Variants in ATP6V1H observed in about 807,000 individuals in gnomAD.
ATP6V1H encodes V-type proton ATPase subunit H.
ATP6V1H carries 39 observed loss-of-function variants against 71.7 expected under a neutral mutation model. That is an observed-to-expected ratio of 0.54 (90% CI 0.42 to 0.71). ATP6V1H has a LOEUF of 0.71. Among genes scored for constraint, ATP6V1H ranks in the 30% least tolerant of loss-of-function variants. The pLI, the probability that ATP6V1H is intolerant of heterozygous loss-of-function variation, is 0.00. For synonymous variants in ATP6V1H, 192 were observed against 199.3 expected (o/e 0.96, Z 0.31); for missense variants, 509 against 594.9 (o/e 0.86, Z 1.50).
At chr8:53,782,622 T>G (rs1021172905) in intron 9 of ATP6V1H, among the ~76,000 whole-genome samples, 2 of 152,144 alleles carry the variant, frequency 1.3e-5, no homozygotes, top group Non-Finnish European at 2.9e-5. Flanking sequence ...CTTGTGCCAG[T>G]TTTCAAAGGG....
At chr8:53,821,366 C>G (rs1188946138) in intron 4 of ATP6V1H, among the ~76,000 whole-genome samples, 1 of 140,774 alleles carries the variant, frequency 7.1e-6, no homozygotes, top group Non-Finnish European at 1.5e-5. Flanking sequence ...GAGCAAGACT[C>G]CATCTCAAAA....
At chr8:53,718,803 C>G (rs1806519006) in intron 13 of ATP6V1H, among the ~76,000 whole-genome samples, 1 of 152,184 alleles carries the variant, frequency 6.6e-6, no homozygotes, top group African/African-American at 2.4e-5. Flanking sequence ...GCCTAGTTGA[C>G]AGTTCATGTA....
At chr8:53,741,672 GATGTATCCT>G (rs1227878317) in intron 13 of ATP6V1H, among the ~76,000 whole-genome samples, 9 of 152,194 alleles carry the variant, frequency 5.9e-5, no homozygotes, top group Admixed American at 1.3e-4. Flanking sequence ...GAAATCCTGT[GATGTATCCT>G]ATGTTTTACT....
At chr8:53,755,437 T>G (rs1807971882) in intron 12 of ATP6V1H, among the ~76,000 whole-genome samples, 1 of 144,286 alleles carries the variant, frequency 6.9e-6, no homozygotes, top group Admixed American at 7.3e-5. Flanking sequence ...TTAGTGTGCG[T>G]GAGTCACTAC....
chr8:53,797,773 G>A (rs1178187131), intron 8 of ATP6V1H, among the ~76,000 whole-genome samples: 4 of 151,954 alleles, frequency 2.6e-5, no homozygotes, highest in Non-Finnish European at 2.9e-5. Flanking sequence ...GCCAGGGTGG[G>A]CGGATCTCTT....
chr8:53,754,599 C>T (rs1249263030), intron 12 of ATP6V1H, among the ~76,000 whole-genome samples: 3 of 152,198 alleles, frequency 2.0e-5, no homozygotes, highest in Non-Finnish European at 2.9e-5. Context: ...CTACTGGTAG[C>T]GTTTCCTGAA....
At chr8:53,724,265 C>T (rs1806726825) in intron 13 of ATP6V1H, among the ~76,000 whole-genome samples, 1 of 152,206 alleles carries the variant, frequency 6.6e-6, no homozygotes, top group South Asian at 2.1e-4. Flanking sequence ...TGGGGTAGGT[C>T]ATATGGCCCC....
intron 11 of ATP6V1H, among the ~76,000 whole-genome samples, chr8:53,759,838 AGT>A (rs754559926): frequency 2.6e-5 from 4 of 152,352 alleles, no homozygotes; most frequent in Non-Finnish European, 2.9e-5. Flanking sequence ...ATACTTCAAA[AGT>A]GAGAGGGAAA....
chr8:53,734,063 G>T (rs1011983280), intron 13 of ATP6V1H, among the ~76,000 whole-genome samples: 1 of 152,246 alleles, frequency 6.6e-6, no homozygotes, highest in East Asian at 1.9e-4. Flanking sequence ...TGACTCTTGG[G>T]CAAAACCTGA....
chr8:53,778,750 A>C (rs1346488960), intron 9 of ATP6V1H, among the ~76,000 whole-genome samples: 2 of 152,232 alleles, frequency 1.3e-5, no homozygotes, highest in Non-Finnish European at 2.9e-5. Context: ...ATGCCAGTGA[A>C]CTAGATACTC....
chr8:53,742,842 C>G (rs1475884972), intron 13 of ATP6V1H, among the ~76,000 whole-genome samples: 1 of 152,020 alleles, frequency 6.6e-6, no homozygotes, highest in Non-Finnish European at 1.5e-5. Context: ...GTTCCTGATG[C>G]CTTAACAAAA....
At chr8:53,838,581 T>C (rs1007561289) in intron 2 of ATP6V1H, among the ~76,000 whole-genome samples, 14 of 152,182 alleles carry the variant, frequency 9.2e-5, no homozygotes, top group African/African-American at 3.4e-4. Flanking sequence ...TGCTATTTAA[T>C]TTGATAAAAG....
intron 5 of ATP6V1H, among the ~76,000 whole-genome samples, chr8:53,816,203 T>C (rs1422255895): frequency 6.6e-6 from 1 of 152,234 alleles, no homozygotes; most frequent in Non-Finnish European, 1.5e-5. Context: ...TATATAACTA[T>C]ACTGTATGAA....
At chr8:53,728,855 T>A (rs1259661681) in intron 13 of ATP6V1H, among the ~76,000 whole-genome samples, 1 of 152,170 alleles carries the variant, frequency 6.6e-6, no homozygotes, top group Non-Finnish European at 1.5e-5. Context: ...CAGAGCTCGG[T>A]CCTATCTAAG....
intron 13 of ATP6V1H, among the ~76,000 whole-genome samples, chr8:53,732,689 G>GT (rs1807066290): frequency 2.0e-5 from 3 of 150,484 alleles, no homozygotes; most frequent in African/African-American, 4.9e-5. Context: ...AAAAGTAACA[G>GT]TAAGAGCAGC....
Position 53,795,666 on chromosome 8 carries a change from A to T in ATP6V1H, c.851T>A (p.Ile284Asn), listed in dbSNP as rs766506832. The T allele has an allele frequency of 7.4e-6, 12 of 1,612,856 alleles. No individual in the cohort carries two copies. Among genetic ancestry groups the T allele is most frequent in the Non-Finnish European group, 1.0e-5 (12 of 1,179,694 alleles). ...ACTTACACGAAATGCTGCAAGAATG[A>T]TTCTTGTTACTTTCTCTTTGACAGA... ...QESVKEKVTR[I>N]ILAAFRNFLE... Residue 284 changes from isoleucine (I) to asparagine (N), a missense_variant, in exon 9 of 14, where the codon ATC (isoleucine) becomes AAC (asparagine). Physicochemically the swap from Ile to Asn is moderately radical, Grantham distance 149. This residue lies in a region of ATP6V1H where 212 missense variants were observed against 291.6 expected (regional missense o/e 0.73). Transcript: ENST00000359530.
chr8:53,786,995 CAT>C (rs1407393722), intron 9 of ATP6V1H, among the ~76,000 whole-genome samples: 1 of 152,180 alleles, frequency 6.6e-6, no homozygotes, highest in Non-Finnish European at 1.5e-5. Context: ...AATTTCAAGA[CAT>C]GTAAAATACA....
intron 8 of ATP6V1H, 105 bp from the exon 9 acceptor site, chr8:53,795,944 T>C (rs1809716695): frequency 3.9e-6 from 4 of 1,013,968 alleles, no homozygotes; most frequent in African/African-American, 1.6e-5. Context: ...CTCTGAATTA[T>C]GTCCTGTTTC....
chr8:53,766,813 C>G (rs895617077), intron 11 of ATP6V1H, among the ~76,000 whole-genome samples: 3 of 152,210 alleles, frequency 2.0e-5, no homozygotes, highest in Non-Finnish European at 4.4e-5. Context: ...TCTCAAAACC[C>G]TGTCTCCTGA....
Sources: gnomAD v4.1 joint callset for allele counts (sites outside exome capture counted in the v4.1 genomes callset) on GRCh38, gnomAD v4.1.1 for gene constraint, gnomAD v4.1.1 regional missense constraint, MANE v1.5 for transcripts, NCBI Gene and HGNC (gene_info 2026-07-23, HGNC 2026-07-21) for gene names.